Variants in MCU observed in about 807,000 individuals in gnomAD.
MCU encodes the protein mitochondrial calcium uniporter, also known as calcium uniporter protein, mitochondrial.
Under a neutral mutation model 45.2 loss-of-function variants are expected in MCU, and 12 were observed. The ratio of observed to expected loss-of-function variants is 0.27; its 90% CI spans 0.17 to 0.43. MCU has a LOEUF of 0.43. MCU is among the 20% of genes least tolerant of loss of function. MCU has a pLI of 1.00. For synonymous variants in MCU, 160 were observed against 165.1 expected (o/e 0.97, Z 0.24); for missense variants, 324 against 436.7 (o/e 0.74, Z 2.30).
intron 1 of MCU, among the ~76,000 whole-genome samples, chr10:72,721,958 T>C (rs1843027713): frequency 6.6e-6 from 1 of 152,222 alleles, no homozygotes; most frequent in Admixed American, 6.5e-5. Flanking sequence ...ACTATCCACT[T>C]AGGCTCCTTA....
intron 1 of MCU, among the ~76,000 whole-genome samples, chr10:72,824,206 T>C (rs1844758110): frequency 6.6e-6 from 1 of 151,530 alleles, no homozygotes; most frequent in African/African-American, 2.4e-5. Flanking sequence ...TCTTTTTTTT[T>C]TTTTTTTGAG....
intron 2 of MCU, among the ~76,000 whole-genome samples, chr10:72,844,299 A>G (rs1298660887): frequency 6.6e-6 from 1 of 152,204 alleles, no homozygotes; most frequent in Non-Finnish European, 1.5e-5. Flanking sequence ...AGGCAGAAGA[A>G]TCGCTTGAAC....
At chr10:72,761,472 C>A (rs572192985) in intron 1 of MCU, among the ~76,000 whole-genome samples, 106 of 152,136 alleles carry the variant, frequency 7.0e-4, no homozygotes, top group Non-Finnish European at 1.3e-3. Context: ...AATACCTTTT[C>A]TCACCTTGTC....
At chr10:72,801,500 C>A (rs1268298883) in intron 1 of MCU, among the ~76,000 whole-genome samples, 3 of 150,882 alleles carry the variant, frequency 2.0e-5, no homozygotes, top group Non-Finnish European at 4.4e-5. Context: ...GTTTCATGTT[C>A]TTCACATAAA....
chr10:72,757,315 CATT>C (rs982622084), intron 1 of MCU, among the ~76,000 whole-genome samples: 5 of 152,242 alleles, frequency 3.3e-5, no homozygotes, highest in African/African-American at 1.2e-4. Flanking sequence ...GGAGATGTGA[CATT>C]ATTGTATAAG....
chr10:72,809,525 A>G (rs192335235), intron 1 of MCU, among the ~76,000 whole-genome samples: 182 of 152,324 alleles, frequency 1.2e-3, no homozygotes, highest in African/African-American at 4.0e-3. Flanking sequence ...TTGACGTACA[A>G]TTAATTGAAA....
chr10:72,758,791 T>C (rs1046835199), intron 1 of MCU, among the ~76,000 whole-genome samples: 1 of 152,190 alleles, frequency 6.6e-6, no homozygotes, highest in East Asian at 1.9e-4. Context: ...TTTGAGAAAT[T>C]TAGTGTTTGA....
intron 1 of MCU, among the ~76,000 whole-genome samples, chr10:72,724,162 G>C (rs921806166): frequency 5.9e-5 from 9 of 152,188 alleles, no homozygotes; most frequent in Non-Finnish European, 1.2e-4. Flanking sequence ...TTGCTATGGT[G>C]AATAACCTTG....
In MCU at chr10:72,699,856, T is replaced by TA. The variant is rs1842735472; in HGVS notation, c.150+7556dup. Among the ~76,000 whole-genome samples the TA allele has an allele frequency of 2.0e-5, 3 of 152,142 alleles. No individual in the cohort carries two copies. The South Asian group carries it at 6.3e-4, about 32-fold the overall frequency. The stretch of plus-strand genomic sequence containing the variant: ...ATCTGCGTGTCTTGGCCTCCCAAAG[T>TA]ACTGGGGTTACAGGTGTGAGCCACT... On this transcript the variant is annotated intron_variant, in intron 1 of 7. Coordinates refer to ENST00000373053, the MANE Select transcript of MCU (RefSeq NM_138357.3).
chr10:72,836,595 T>C (rs1308911148), intron 2 of MCU, among the ~76,000 whole-genome samples: 1 of 152,118 alleles, frequency 6.6e-6, no homozygotes, highest in Non-Finnish European at 1.5e-5. Context: ...AGGACATAAA[T>C]GCTGATAGGT....
intron 1 of MCU, among the ~76,000 whole-genome samples, chr10:72,701,179 G>C (rs992443099): frequency 6.6e-6 from 1 of 152,142 alleles, no homozygotes; most frequent in African/African-American, 2.4e-5. Flanking sequence ...AGAGCATATA[G>C]GTTAGCTTGA....
intron 1 of MCU, among the ~76,000 whole-genome samples, chr10:72,819,265 A>C (rs1395505729): frequency 2.0e-5 from 3 of 152,220 alleles, no homozygotes; most frequent in Non-Finnish European, 2.9e-5. Flanking sequence ...TTTTGTGGCA[A>C]GTCTGACATT....
At chr10:72,826,106 GT>G (rs11317463) in intron 1 of MCU, among the ~76,000 whole-genome samples, 152,007 of 152,298 alleles carry the variant, frequency 1, 75,863 homozygotes, top group Middle Eastern at 1. Flanking sequence ...AAACTTTAAT[GT>G]TGCATGTGAA....
At chr10:72,833,429 A>G (rs533617628) in intron 1 of MCU, among the ~76,000 whole-genome samples, 1 of 152,346 alleles carries the variant, frequency 6.6e-6, no homozygotes, top group African/African-American at 2.4e-5. Flanking sequence ...GATGGAAATT[A>G]ATGATAGTCA....
At chr10:72,850,264 A>C (rs1218153032) in intron 2 of MCU, among the ~76,000 whole-genome samples, 2 of 152,166 alleles carry the variant, frequency 1.3e-5, no homozygotes, top group African/African-American at 2.4e-5. Context: ...CCAACACTGA[A>C]ATTCTATGAT....
intron 1 of MCU, chr10:72,712,313 C>G (rs543114509): frequency 6.6e-6 from 1 of 152,080 alleles, no homozygotes; most frequent in Non-Finnish European, 1.5e-5. Context: ...CTTTGTACTT[C>G]CTGAGAGAAG....
chr10:72,702,260 GA>G (rs1386199497), intron 1 of MCU, among the ~76,000 whole-genome samples: 3 of 139,476 alleles, frequency 2.2e-5, no homozygotes, highest in African/African-American at 5.3e-5. Flanking sequence ...CAAAAAAAAA[GA>G]AAAAAAAAAG....
intron 1 of MCU, among the ~76,000 whole-genome samples, chr10:72,823,820 G>A (rs1844751144): frequency 6.6e-6 from 1 of 152,142 alleles, no homozygotes; most frequent in Non-Finnish European, 1.5e-5. Flanking sequence ...AGCACTTTGG[G>A]AGGCCGAGTT....
intron 1 of MCU, among the ~76,000 whole-genome samples, chr10:72,808,569 A>G (rs1844490280): frequency 6.6e-6 from 1 of 152,116 alleles, no homozygotes; most frequent in African/African-American, 2.4e-5. Flanking sequence ...GAGAGTTAGG[A>G]TTGGTTTATT....
Sources: gnomAD v4.1 joint callset for allele counts (sites outside exome capture counted in the v4.1 genomes callset) on GRCh38, gnomAD v4.1.1 for gene constraint, MANE v1.5 for transcripts, NCBI Gene and HGNC (gene_info 2026-07-23, HGNC 2026-07-21) for gene names.